The following RPL11 variants were observed in gnomAD, a reference collection of about 807,000 sequenced individuals.
The protein encoded by RPL11 is large ribosomal subunit protein uL5.
In RPL11, 3 loss-of-function variants were observed where a neutral mutation model predicts 24.1. That is an observed-to-expected ratio of 0.12 (90% confidence interval 0.06 to 0.32). RPL11 has a LOEUF of 0.32. RPL11 is among the 10% of genes least tolerant of loss of function. The pLI, the probability that RPL11 is intolerant of heterozygous loss-of-function variation, is 1.00. For synonymous variants in RPL11, 96 were observed against 75.7 expected (o/e 1.27, Z -1.39); for missense variants, 146 against 225.7 (o/e 0.65, Z 2.26).
chr1:23,692,727 A>G lies in RPL11; in HGVS notation c.125A>G (p.Gln42Arg). The change falls in exon 2 of 6, where the codon CAG (glutamine) becomes CGG (arginine). Residue 42 changes from glutamine to arginine, a missense_variant. Physicochemically the swap from Gln to Arg is conservative, Grantham distance 43. Coordinates refer to ENST00000643754, the MANE Select transcript of RPL11 (RefSeq NM_000975.5). ...RLTRAAKVLE[Q>R]LTGQTPVFSK... ...ACGCGAGCAGCCAAGGTGTTGGAGC[A>G]GCTCACAGGGCAGACCCCTGTGTTT... is the stretch of plus-strand genomic sequence containing the variant. The G allele has an allele frequency of 1.2e-6, 2 of 1,614,020 alleles. No individual in the cohort carries two copies. Among genetic ancestry groups the G allele is most frequent in the Non-Finnish European group, 1.7e-6 (2 of 1,180,026 alleles).
intron 1 of RPL11, chr1:23,692,399 TTTCTC>T (rs1644506210): frequency 5.1e-6 from 3 of 587,404 alleles, no homozygotes; most frequent in Admixed American, 2.9e-5. Flanking sequence ...TGTCCTGAGT[TTTCTC>T]TTCACCCGTT....
Position 23,694,775 on chromosome 1 carries a change from G to A in RPL11, c.380G>A (p.Gly127Asp). The A allele has an allele frequency of 6.2e-7, 1 of 1,614,176 alleles. No homozygotes were observed. The highest frequency in any genetic ancestry group is 8.5e-7 in the Non-Finnish European group (1 of 1,180,026). The change falls in exon 4 of 6, where the codon GGC becomes GAC. Residue 127 changes from glycine to aspartate, a missense_variant. By Grantham distance (94) the Gly-to-Asp change is moderately conservative (BLOSUM62 -1). Transcript: ENST00000643754. Reference sequence around the variant, plus strand: ...TATGACCCAAGCATTGGTATCTACGGCCTGGACTTCTATGTGGTATGAATA... The same window carrying A: ...TATGACCCAAGCATTGGTATCTACGACCTGGACTTCTATGTGGTATGAATA... Reference protein sequence around the residue: ...IKYDPSIGIYGLDFYVVLGRP... With the variant: ...IKYDPSIGIYDLDFYVVLGRP...
At chr1:23,695,005 T>A in intron 4 of RPL11, 1 of 678,186 alleles carries the variant, frequency 1.5e-6, no homozygotes, top group Non-Finnish European at 2.5e-6. Flanking sequence ...GTTGGGGAAC[T>A]TGCAGTCGAG....
At chr1:23,693,950 C>T (rs1644517993) in intron 3 of RPL11, 37 bp downstream of exon 3, 1 of 1,420,950 alleles carries the variant, frequency 7.0e-7, no homozygotes, top group Non-Finnish European at 1.0e-6. Flanking sequence ...TATTGATCAG[C>T]ACTCCTTTAG....
intron 2 of RPL11, 44 bp downstream of exon 2, chr1:23,692,803 C>G (rs1419873366): frequency 1.2e-6 from 2 of 1,610,620 alleles, no homozygotes; most frequent in Non-Finnish European, 1.7e-6. Context: ...GCTTGGGTCG[C>G]TTGGTTGTTT....
At position 23,695,709 on chromosome 1, in the gene RPL11, C is replaced by CT. The variant is rs1570568960; in HGVS notation, c.397-86dup. On this transcript the variant is annotated intron_variant, in intron 4 of 5. Transcript: ENST00000643754. ...GAATCCATTGGGCTGCCAAGTGACT[C>CT]TTTGAAGATCTGTCTGTAATGTGTG... The CT allele has an allele frequency of 9.6e-6, 12 of 1,245,880 alleles. No homozygotes were observed. The East Asian group carries it at 3.0e-4, about 32-fold the overall frequency. 77.2% of individuals were successfully genotyped at this position (1,245,880 alleles called of 1,614,324 possible). A position where few individuals can be genotyped will look rare whatever the true frequency, so the allele number is the denominator to read the frequency against.
chr1:23,696,222 A>G (rs1355557857), intron 5 of RPL11, 122 bp from the exon 6 acceptor site: 2 of 950,668 alleles, frequency 2.1e-6, no homozygotes, highest in Admixed American at 2.0e-5. Context: ...TAGTCCAGAA[A>G]AGGATGGGAT....
At chr1:23,692,453 TC>T in intron 1 of RPL11, 155 bp from the exon 2 acceptor site, 1 of 885,474 alleles carries the variant, frequency 1.1e-6, no homozygotes. Flanking sequence ...GCTGTCTTCT[TC>T]CCTTGATGTC....
At chr1:23,692,128 T>C (rs1206144815) in intron 1 of RPL11, 1 of 548,196 alleles carries the variant, frequency 1.8e-6, no homozygotes, top group African/African-American at 1.9e-5. Context: ...TCCGGGCCTT[T>C]TCCTGGTCCC....
chr1:23,696,096 C>T, intron 5 of RPL11, 188 bp downstream of exon 5: 1 of 755,612 alleles, frequency 1.3e-6, no homozygotes, highest in Admixed American at 2.1e-5. Flanking sequence ...AGGCCTTCTC[C>T]CTGTCACCAT....
rs2271996 is a variant in RPL11 at position 23,693,980 on chromosome 1, A to G, written c.264+67A>G. ...CTTTAGTAACACATGTAGATAAGTTACATTTAATGTTCTGTTCTTTGGTGT... is the reference window on the plus strand; with the variant it reads ...CTTTAGTAACACATGTAGATAAGTTGCATTTAATGTTCTGTTCTTTGGTGT... On this transcript the variant is annotated intron_variant, in intron 3 of 5. Transcript: ENST00000643754. 15,589 of 1,146,644 alleles carry G rather than the reference A, an allele frequency of 0.014. 196 individuals are homozygous for G. The highest frequency in any genetic ancestry group is 0.05 in the African/African-American group (3,290 of 65,784). 71.0% of individuals were successfully genotyped at this position (1,146,644 alleles called of 1,614,324 possible).
intron 3 of RPL11, among the ~76,000 whole-genome samples, chr1:23,694,376 C>T (rs1462232749): frequency 6.7e-6 from 1 of 149,300 alleles, no homozygotes; most frequent in East Asian, 2.0e-4. Context: ...AGACTCTTGT[C>T]TCAAAAAAAA....
chr1:23,691,905 T>C, intron 1 of RPL11, 76 bp downstream of exon 1: 1 of 1,592,044 alleles, frequency 6.3e-7, no homozygotes, highest in Non-Finnish European at 8.6e-7. Context: ...GGGGGCTACT[T>C]CGCCCGCAGC....
intron 3 of RPL11, 42 bp downstream of exon 3, chr1:23,693,955 C>G: frequency 3.7e-6 from 5 of 1,342,726 alleles, no homozygotes; most frequent in Non-Finnish European, 5.4e-6. Flanking sequence ...ATCAGCACTC[C>G]TTTAGTAACA....
At chr1:23,692,900 C>CT (rs549467222) in intron 2 of RPL11, 141 bp downstream of exon 2, 33,703 of 639,516 alleles carry the variant, frequency 0.053, 324 homozygotes, top group African/African-American at 0.13. Context: ...CAAGAGGTGT[C>CT]TTTTTTTTTT....
intron 4 of RPL11, chr1:23,695,514 A>G: frequency 4.4e-6 from 2 of 457,784 alleles, no homozygotes; most frequent in Non-Finnish European, 8.1e-6. Context: ...TTAAAAAGAA[A>G]AATGGAGATT....
chr1:23,692,556 A>C, intron 1 of RPL11, 53 bp from the exon 2 acceptor site: 1 of 1,612,148 alleles, frequency 6.2e-7, no homozygotes, highest in South Asian at 1.1e-5. Flanking sequence ...AAAGTAGTAA[A>C]ACTCAGGGCC....
In RPL11 at chr1:23,696,680, C is replaced by T. The variant is rs1644534575; in HGVS notation, c.*307C>T. 1.6e-5 allele frequency: 8 copies of T among 498,674 alleles called. No individual in the cohort carries two copies. The highest frequency in any genetic ancestry group is 3.3e-5 in the Admixed American group (1 of 30,404). The allele number at this position is 498,674 out of a possible 1,614,324, so 30.9% of individuals were successfully genotyped here. A position where few individuals can be genotyped will look rare whatever the true frequency, so the allele number is the denominator to read the frequency against. On this transcript the variant is annotated 3_prime_UTR_variant, in exon 6 of 6. Transcript: ENST00000643754. ...TTGATGTTGGGGTTTGAATTTAGAG[C>T]CTTGGTTAAGCAGGGTGCAGTGCTC... is the stretch of plus-strand genomic sequence containing the variant.
intron 3 of RPL11, 58 bp downstream of exon 3, chr1:23,693,971 A>T: frequency 1.6e-6 from 2 of 1,215,622 alleles, no homozygotes; most frequent in Non-Finnish European, 2.4e-6. Flanking sequence ...TAACACATGT[A>T]GATAAGTTAC....
Sources: gnomAD v4.1 joint callset for allele counts (sites outside exome capture counted in the v4.1 genomes callset) on GRCh38, gnomAD v4.1.1 for gene constraint, MANE v1.5 for transcripts, NCBI Gene and HGNC (gene_info 2026-07-23, HGNC 2026-07-21) for gene names.